Variants in RIT2 observed in about 807,000 individuals in gnomAD.
The protein encoded by RIT2 is Ras like without CAAX 2.
Under a neutral mutation model 23.7 loss-of-function variants are expected in RIT2, and 24 were observed. The observed-to-expected ratio is 1.01, with a 90% CI of 0.73 to 1.43. The LOEUF (loss-of-function observed/expected upper bound fraction) is 1.43, where lower values mean the gene tolerates loss of function less well. RIT2 is among the 40% of genes most tolerant of loss of function. The probability of loss-of-function intolerance (pLI) is 0.00; values close to 1 mark genes in which losing one functional copy is unlikely to be tolerated. For synonymous variants in RIT2, 107 were observed against 91.1 expected, an observed-to-expected ratio of 1.17 and a Z score of -0.99; for missense variants, 236 against 266.9, an observed-to-expected ratio of 0.88 and a Z score of 0.81.
chr18:42,863,079 G>C (rs1240562469), intron 4 of RIT2, among the ~76,000 whole-genome samples: 1 of 150,772 alleles, frequency 6.6e-6, no homozygotes, highest in East Asian at 1.9e-4. Context: ...CCAACAACAA[G>C]ATGAGGCATT....
intron 4 of RIT2, among the ~76,000 whole-genome samples, chr18:42,763,489 T>C (rs1359280599): frequency 6.7e-6 from 1 of 149,252 alleles, no homozygotes; most frequent in Non-Finnish European, 1.5e-5. Flanking sequence ...TACACCTGTA[T>C]GGGACACTTA....
chr18:42,831,536 AGGGGTGTAGTGTGTGT>A (rs1906457215), intron 4 of RIT2, among the ~76,000 whole-genome samples: 1 of 152,106 alleles, frequency 6.6e-6, no homozygotes, highest in Non-Finnish European at 1.5e-5. Flanking sequence ...AAACACAGAT[AGGGGTGTAGTGTGTGT>A]GGGGTTGGAC....
intron 4 of RIT2, among the ~76,000 whole-genome samples, chr18:42,834,636 A>G (rs930149996): frequency 2.0e-5 from 3 of 152,152 alleles, no homozygotes; most frequent in Admixed American, 2.0e-4. Flanking sequence ...AAATAAGATT[A>G]TATAAAAATT....
intron 2 of RIT2, among the ~76,000 whole-genome samples, chr18:43,013,511 G>A (rs192013750): frequency 4.6e-5 from 7 of 151,816 alleles, no homozygotes; most frequent in Admixed American, 4.0e-4. Flanking sequence ...ATGAGCTTAG[G>A]AAAGGAAAGT....
chr18:42,867,350 G>A (rs1907499422), intron 4 of RIT2, among the ~76,000 whole-genome samples: 1 of 152,012 alleles, frequency 6.6e-6, no homozygotes, highest in African/African-American at 2.4e-5. Flanking sequence ...AAAAAGCTAT[G>A]TTTCTATCAA....
intron 1 of RIT2, among the ~76,000 whole-genome samples, chr18:43,065,134 A>T (rs532792493): frequency 3.2e-4 from 48 of 152,002 alleles, no homozygotes; most frequent in Non-Finnish European, 6.0e-4. Flanking sequence ...AACAATTTAA[A>T]TAGATAAAGT....
At chr18:42,807,851 G>T (rs2143970948) in intron 4 of RIT2, among the ~76,000 whole-genome samples, 1 of 151,954 alleles carries the variant, frequency 6.6e-6, no homozygotes, top group African/African-American at 2.4e-5. Context: ...TAAATTAGAT[G>T]TGAGTTTCCT....
intron 4 of RIT2, among the ~76,000 whole-genome samples, chr18:42,775,008 A>G (rs1483655738): frequency 6.6e-6 from 1 of 152,254 alleles, no homozygotes; most frequent in African/African-American, 2.4e-5. Context: ...CAAGAGGAGT[A>G]GAAAATGATA....
chr18:42,965,708 T>C (rs1244255227), intron 3 of RIT2, among the ~76,000 whole-genome samples: 3 of 131,878 alleles, frequency 2.3e-5, no homozygotes, highest in South Asian at 2.5e-4. Flanking sequence ...TGTGTACTGA[T>C]GGCTTTTTTT....
chr18:42,904,450 G>A (rs549180949), intron 4 of RIT2, among the ~76,000 whole-genome samples: 27 of 152,224 alleles, frequency 1.8e-4, no homozygotes, highest in Admixed American at 5.9e-4. Context: ...CCCAGAGAGG[G>A]GCATGAGAGA....
chr18:42,985,845 A>C (rs1239359606), intron 2 of RIT2, among the ~76,000 whole-genome samples: 2 of 152,034 alleles, frequency 1.3e-5, no homozygotes, highest in African/African-American at 4.8e-5. Flanking sequence ...ATAAATCTTA[A>C]TAACTAATAT....
At chr18:42,983,976 T>C (rs888015855) in intron 2 of RIT2, among the ~76,000 whole-genome samples, 1 of 152,056 alleles carries the variant, frequency 6.6e-6, no homozygotes, top group Non-Finnish European at 1.5e-5. Context: ...AAACTAATCA[T>C]GCATGTATCA....
chr18:42,977,451 T>A (rs1437788335), intron 2 of RIT2, among the ~76,000 whole-genome samples: 1 of 152,076 alleles, frequency 6.6e-6, no homozygotes, highest in Non-Finnish European at 1.5e-5. Flanking sequence ...TTATTCATAC[T>A]GTTGATTGTG....
intron 1 of RIT2, among the ~76,000 whole-genome samples, chr18:43,094,135 T>G (rs4584914): frequency 0.05 from 7,347 of 145,530 alleles, 245 homozygotes; most frequent in South Asian, 0.12. Flanking sequence ...TTTTTTTTTT[T>G]TTTTTCACTT....
At chr18:42,850,806 A>G (rs571586142) in intron 4 of RIT2, among the ~76,000 whole-genome samples, 4 of 152,250 alleles carry the variant, frequency 2.6e-5, no homozygotes, top group Non-Finnish European at 5.9e-5. Context: ...TACTTTGTCC[A>G]AGGTGCTTCC....
chr18:42,988,436 T>C (rs1307906634), intron 2 of RIT2, among the ~76,000 whole-genome samples: 2 of 152,182 alleles, frequency 1.3e-5, no homozygotes, highest in Non-Finnish European at 2.9e-5. Context: ...TTAGTCTTCA[T>C]ATTGAGTAAA....
chr18:43,063,374 T>C (rs1351105852), intron 1 of RIT2, among the ~76,000 whole-genome samples: 1 of 152,156 alleles, frequency 6.6e-6, no homozygotes, highest in Non-Finnish European at 1.5e-5. Flanking sequence ...ATTGGTGACC[T>C]TTGGGGCTAA....
chr18:42,837,147 C>CTCTTTTTTTTTTT (rs1906628770), intron 4 of RIT2, among the ~76,000 whole-genome samples: 2 of 48,718 alleles, frequency 4.1e-5, no homozygotes, highest in African/African-American at 1.2e-4. Context: ...CTTTTTTTTT[C>CTCTTTTTTTTTTT]TTTTTCTTTT....
At chr18:42,759,992 G>T (rs1205769163) in intron 4 of RIT2, among the ~76,000 whole-genome samples, 2 of 152,020 alleles carry the variant, frequency 1.3e-5, no homozygotes, top group African/African-American at 4.8e-5. Flanking sequence ...GGTCAGGCTG[G>T]TCTTGAACTC....
Sources: allele counts gnomAD v4.1 joint callset (sites outside exome capture counted in the v4.1 genomes callset), GRCh38; gene constraint gnomAD v4.1.1; transcripts MANE v1.5; gene names NCBI Gene and HGNC (gene_info 2026-07-23, HGNC 2026-07-21).